The following CYP4F2 variants were observed in gnomAD, a reference collection of about 807,000 sequenced individuals.
CYP4F2 encodes the protein cytochrome P450 family 4 subfamily F member 2.
A neutral mutation model predicts 58.9 loss-of-function variants in CYP4F2; 58 were observed. The observed-to-expected ratio is 0.98, with a 90% CI of 0.80 to 1.23. The LOEUF (loss-of-function observed/expected upper bound fraction) is 1.23, where lower values mean the gene tolerates loss of function less well. Among genes scored for constraint, CYP4F2 ranks in the 50% most tolerant of loss-of-function variants. CYP4F2 has a pLI of 0.00. For synonymous variants in CYP4F2, 287 were observed against 261.1 expected (o/e 1.10, Z -0.95); for missense variants, 616 against 685.6 (o/e 0.90, Z 1.13).
At chr19:15,880,639 AT>A (rs2089339315) in intron 9 of CYP4F2, among the ~76,000 whole-genome samples, 3 of 152,034 alleles carry the variant, frequency 2.0e-5, no homozygotes, top group Non-Finnish European at 2.9e-5. Flanking sequence ...AAAAAAATCA[AT>A]TTTAATACAC....
At chr19:15,879,014 G>T (rs2089325173) in intron 12 of CYP4F2, 78 bp from the exon 13 acceptor site, 3 of 1,574,382 alleles carry the variant, frequency 1.9e-6, no homozygotes, top group Non-Finnish European at 2.6e-6. Context: ...CCTGGCCTGG[G>T]ACACCCAACC....
rs992143768 is a variant in CYP4F2, at chr19:15,890,492, A to T, written c.526-59T>A. 1.0e-5 allele frequency: 16 copies of T among 1,598,580 alleles called. No homozygotes were observed. The South Asian group carries it at 1.7e-4, about 17-fold the overall frequency. On this transcript the variant is annotated intron_variant, in intron 5 of 12. Coordinates refer to ENST00000221700, the MANE Select transcript of CYP4F2 (RefSeq NM_001082.5). ...TCCTTGCTCCCTTGAGCACCTCTCC[A>T]ACCCCAACTGCCAAGATGGGCTCCC...
intron 10 of CYP4F2, 26 bp downstream of exon 10, chr19:15,879,738 A>G (rs1349078473): frequency 1.2e-6 from 2 of 1,612,888 alleles, no homozygotes; most frequent in South Asian, 1.1e-5. Flanking sequence ...TACCCAGGAG[A>G]CTCCTCCCCG....
At chr19:15,896,882 G>A (rs1403868948) in intron 2 of CYP4F2, among the ~76,000 whole-genome samples, 1 of 152,216 alleles carries the variant, frequency 6.6e-6, no homozygotes, top group African/African-American at 2.4e-5. Flanking sequence ...AAGGTGAAGT[G>A]AGTGGCCAAC....
chr19:15,888,690 C>T (rs960457883), intron 7 of CYP4F2, among the ~76,000 whole-genome samples: 2 of 152,074 alleles, frequency 1.3e-5, no homozygotes, highest in African/African-American at 4.8e-5. Flanking sequence ...ATGACACACA[C>T]TCAGACACAA....
chr19:15,887,133 AG>A (rs1599352078), intron 7 of CYP4F2, among the ~76,000 whole-genome samples: 1 of 152,228 alleles, frequency 6.6e-6, no homozygotes, highest in East Asian at 1.9e-4. Context: ...TCATAGACTT[AG>A]AAACTGACAC....
intron 7 of CYP4F2, among the ~76,000 whole-genome samples, chr19:15,888,114 A>G (rs2145007541): frequency 6.6e-6 from 1 of 152,356 alleles, no homozygotes; most frequent in East Asian, 1.9e-4. Flanking sequence ...AGACATAGAC[A>G]CAGACACAAA....
At position 15,885,947 on chromosome 19, in the gene CYP4F2, G is replaced by T. The variant is rs146776687; in HGVS notation, c.1092C>A (p.Asp364Glu). Residue 364 changes from aspartate to glutamate, a missense_variant, in exon 9 of 13, where the codon GAC (aspartate) becomes GAA (glutamate). Transcript: ENST00000221700. ...CRQEVQELLK[D>E]REPKEIEWDD... ...ACCATTCAATCTCTTTAGGCTCACGGTCCTTCAGAAGTTCTTGCACCTCCT... is the reference window on the plus strand; with the variant it reads ...ACCATTCAATCTCTTTAGGCTCACGTTCCTTCAGAAGTTCTTGCACCTCCT... 6.2e-7 allele frequency: 1 copy of T among 1,613,910 alleles called. No homozygotes were observed. The highest frequency in any genetic ancestry group is 8.5e-7 in the Non-Finnish European group (1 of 1,179,984).
intron 1 of CYP4F2, 195 bp downstream of exon 1, chr19:15,897,831 A>AGAG (rs2145018239): frequency 1.9e-6 from 1 of 533,614 alleles, no homozygotes; most frequent in Non-Finnish European, 3.3e-6. Flanking sequence ...TAGAATGGGA[A>AGAG]AGAGAGAGAG....
intron 1 of CYP4F2, 114 bp from the exon 2 acceptor site, chr19:15,897,726 G>T: frequency 7.7e-7 from 1 of 1,302,958 alleles, no homozygotes; most frequent in Non-Finnish European, 1.1e-6. Context: ...AGCAGGGAGG[G>T]CTCAGGGATG....
chr19:15,886,334 C>A, intron 7 of CYP4F2, 26 bp from the exon 8 acceptor site: 1 of 1,597,792 alleles, frequency 6.3e-7, no homozygotes, highest in Non-Finnish European at 8.6e-7. Flanking sequence ...TAACCCCCCC[C>A]AACCCCCACC....
rs745931464 is a variant in CYP4F2, at chr19:15,892,574, C to A, written c.352G>T (p.Ala118Ser). The change falls in exon 4 of 13, where the codon GCA becomes TCA. Residue 118 changes from alanine to serine, a missense_variant. Coordinates refer to ENST00000221700, the MANE Select transcript of CYP4F2 (RefSeq NM_001082.5). ...RSVINASAAIAPKDKFFYSFL... is the reference protein window; with the variant it reads ...RSVINASAAISPKDKFFYSFL... ...CTGTAGAAGAACTTGTCCTTTGGTG[C>A]AATGGCAGCTGACATAAATGAGGAC... is the stretch of plus-strand genomic sequence containing the variant. 17 of 1,613,924 alleles carry A rather than the reference C, an allele frequency of 1.1e-5. 2 individuals carry two copies. The East Asian group carries it at 3.8e-4, about 36-fold the overall frequency.
chr19:15,878,377 T>G lies in CYP4F2; in HGVS notation c.*394A>C. ...ATTGGCCTGTTCTGGAAATTTCGTA[T>G]AAAAGGACAGTACACTATGTGACCT... On this transcript the variant is annotated 3_prime_UTR_variant, in exon 13 of 13. Coordinates refer to ENST00000221700, the MANE Select transcript of CYP4F2 (RefSeq NM_001082.5). 1 of 174,078 alleles carries G rather than the reference T, an allele frequency of 5.7e-6. No homozygotes were observed. Among genetic ancestry groups the G allele is most frequent in the Non-Finnish European group, 1.2e-5 (1 of 82,208 alleles). The allele number at this position is 174,078 out of a possible 1,614,324, so 10.8% of individuals were successfully genotyped here. A position where few individuals can be genotyped will look rare whatever the true frequency, so the allele number is the denominator to read the frequency against.
intron 3 of CYP4F2, 70 bp from the exon 4 acceptor site, chr19:15,892,652 C>T (rs1290822971): frequency 1.3e-6 from 2 of 1,577,954 alleles, no homozygotes; most frequent in African/African-American, 1.4e-5. Flanking sequence ...TGGGTGGAGG[C>T]TCCCAGCAAG....
intron 9 of CYP4F2, among the ~76,000 whole-genome samples, chr19:15,883,413 A>T (rs2089356681): frequency 6.6e-6 from 1 of 152,212 alleles, no homozygotes; most frequent in African/African-American, 2.4e-5. Flanking sequence ...ATGCAAATCA[A>T]AACCACAATG....
Position 15,897,475 on chromosome 19 carries a change from C to A in CYP4F2, c.137G>T (p.Arg46Leu), listed in dbSNP as rs141050546. Residue 46 changes from arginine to leucine, a missense_variant, in exon 2 of 13, where the codon CGC becomes CTC. Physicochemically the swap from Arg to Leu is moderately radical, Grantham distance 102. Coordinates refer to ENST00000221700, the MANE Select transcript of CYP4F2 (RefSeq NM_001082.5). ...GGGTTGTGGGAAACACCGAAGGCGG[C>A]GGCAGTTGTCATAGAAGGCGTAGGT... ...AWTYAFYDNCRRLRCFPQPPR... is the reference protein window; with the variant it reads ...AWTYAFYDNCLRLRCFPQPPR... The A allele has an allele frequency of 2.0e-4, 327 of 1,613,930 alleles. 1 individual carries two copies. The African/African-American group carries it at 4.0e-3, about 20-fold the overall frequency.
intron 7 of CYP4F2, 174 bp from the exon 8 acceptor site, chr19:15,886,482 C>A (rs1312277827): frequency 4.1e-6 from 3 of 725,124 alleles, no homozygotes; most frequent in Admixed American, 2.9e-5. Context: ...AGAGCCCTCA[C>A]CTCATGGCCT....
At chr19:15,892,990 A>G (rs1170911007) in intron 3 of CYP4F2, among the ~76,000 whole-genome samples, 2 of 152,204 alleles carry the variant, frequency 1.3e-5, no homozygotes, top group Non-Finnish European at 2.9e-5. Flanking sequence ...CCTGGACATG[A>G]GACATGACCC....
At chr19:15,890,782 C>T (rs142176290) in intron 5 of CYP4F2, among the ~76,000 whole-genome samples, 117 of 152,296 alleles carry the variant, frequency 7.7e-4, no homozygotes, top group African/African-American at 2.7e-3. Flanking sequence ...AAACTCTGCT[C>T]CACCTCGCCA....
Sources: gnomAD v4.1 joint callset for allele counts (sites outside exome capture counted in the v4.1 genomes callset) on GRCh38, gnomAD v4.1.1 for gene constraint, MANE v1.5 for transcripts, NCBI Gene and HGNC (gene_info 2026-07-23, HGNC 2026-07-21) for gene names.